Variants in SPAG16 observed in about 807,000 individuals in gnomAD.
The protein encoded by SPAG16 is sperm-associated antigen 16 protein.
A neutral mutation model predicts 80.4 loss-of-function variants in SPAG16; 86 were observed. The ratio of observed to expected loss-of-function variants is 1.07; its 90% confidence interval spans 0.90 to 1.28. SPAG16 has a LOEUF of 1.28. Among genes scored for constraint, SPAG16 ranks in the 50% most tolerant of loss-of-function variants. The probability of loss-of-function intolerance (pLI) is 0.00; values close to 1 mark genes in which losing one functional copy is unlikely to be tolerated. For synonymous variants in SPAG16, 294 were observed against 265.9 expected, an observed-to-expected ratio of 1.11 and a Z score of -1.03; for missense variants, 870 against 765.3, an observed-to-expected ratio of 1.14 and a Z score of -1.61.
chr2:213,396,724 G>T, intron 9 of SPAG16: 1 of 443,436 alleles, frequency 2.3e-6, no homozygotes, highest in Non-Finnish European at 4.5e-6. Flanking sequence ...TTGTCAGCAG[G>T]AGCCAAATGG....
intron 10 of SPAG16, among the ~76,000 whole-genome samples, chr2:213,825,284 G>A (rs1242991210): frequency 6.6e-6 from 1 of 151,918 alleles, no homozygotes; most frequent in East Asian, 1.9e-4. Context: ...GGTGGCAGTG[G>A]GCATCTGTGT....
At chr2:214,087,477 A>G (rs1463257143) in intron 13 of SPAG16, among the ~76,000 whole-genome samples, 5 of 152,156 alleles carry the variant, frequency 3.3e-5, no homozygotes, top group Non-Finnish European at 7.4e-5. Flanking sequence ...AAACTGTGCA[A>G]GTTCTTAAAG....
intron 14 of SPAG16, among the ~76,000 whole-genome samples, chr2:214,144,700 A>G (rs759496874): frequency 2.0e-5 from 3 of 152,150 alleles, no homozygotes; most frequent in Non-Finnish European, 2.9e-5. Flanking sequence ...GGAATCACTG[A>G]AGAAAGGAAA....
At chr2:213,562,590 T>C (rs1359841020) in intron 10 of SPAG16, among the ~76,000 whole-genome samples, 1 of 152,136 alleles carries the variant, frequency 6.6e-6, no homozygotes, top group Non-Finnish European at 1.5e-5. Flanking sequence ...TGAGGGCCAA[T>C]GTCATATTTA....
chr2:214,311,192 C>T (rs139670282), intron 15 of SPAG16, among the ~76,000 whole-genome samples: 1 of 152,090 alleles, frequency 6.6e-6, no homozygotes, highest in Non-Finnish European at 1.5e-5. Flanking sequence ...AGTCTGCATT[C>T]CCCCTCTCTC....
intron 10 of SPAG16, among the ~76,000 whole-genome samples, chr2:213,678,740 C>G (rs952308996): frequency 6.6e-6 from 1 of 152,116 alleles, no homozygotes; most frequent in Non-Finnish European, 1.5e-5. Flanking sequence ...CTAGGGATTG[C>G]TGTTTTCTGC....
intron 11 of SPAG16, among the ~76,000 whole-genome samples, chr2:213,922,314 C>T (rs954684197): frequency 6.6e-6 from 1 of 152,062 alleles, no homozygotes; most frequent in Non-Finnish European, 1.5e-5. Flanking sequence ...TTCTTCTATC[C>T]TGCTGTTTAT....
chr2:214,037,049 G>T (rs574892253), intron 13 of SPAG16, among the ~76,000 whole-genome samples: 2 of 151,660 alleles, frequency 1.3e-5, no homozygotes, highest in East Asian at 1.9e-4. Context: ...TTGTGTTGTC[G>T]TTTAGTTGAT....
intron 10 of SPAG16, among the ~76,000 whole-genome samples, chr2:213,702,184 C>T (rs1284956611): frequency 6.6e-6 from 1 of 152,170 alleles, no homozygotes; most frequent in Non-Finnish European, 1.5e-5. Context: ...AATCAGCTGT[C>T]TGTAAAGTGG....
At chr2:214,331,192 G>A (rs1489336318) in intron 15 of SPAG16, among the ~76,000 whole-genome samples, 1 of 152,090 alleles carries the variant, frequency 6.6e-6, no homozygotes, top group Non-Finnish European at 1.5e-5. Context: ...TGTCAAAATT[G>A]GGCAGAGGGA....
At chr2:214,346,084 G>A (rs1426526507) in intron 15 of SPAG16, among the ~76,000 whole-genome samples, 2 of 152,250 alleles carry the variant, frequency 1.3e-5, no homozygotes, top group Admixed American at 6.5e-5. Context: ...CATAGAGTAC[G>A]TGTGTATTCA....
chr2:213,466,931 G>T (rs112902576), intron 9 of SPAG16, among the ~76,000 whole-genome samples: 1 of 152,120 alleles, frequency 6.6e-6, no homozygotes, highest in Non-Finnish European at 1.5e-5. Flanking sequence ...TGAGAGGCAG[G>T]GTATAGTGGT....
intron 11 of SPAG16, among the ~76,000 whole-genome samples, chr2:213,891,411 A>C (rs868808591): frequency 1.3e-5 from 2 of 152,132 alleles, no homozygotes; most frequent in African/African-American, 2.4e-5. Flanking sequence ...CTAATACCTA[A>C]GTAGGCAGAG....
intron 15 of SPAG16, among the ~76,000 whole-genome samples, chr2:214,268,727 G>T (rs1251883425): frequency 6.6e-6 from 1 of 150,508 alleles, no homozygotes; most frequent in Non-Finnish European, 1.5e-5. Flanking sequence ...ATAACAAGAG[G>T]CAGCAAGCAT....
intron 10 of SPAG16, among the ~76,000 whole-genome samples, chr2:213,660,523 G>A (rs1315188380): frequency 6.6e-6 from 1 of 152,076 alleles, no homozygotes; most frequent in Non-Finnish European, 1.5e-5. Flanking sequence ...AACATGTCTG[G>A]GGGCCAGGAT....
chr2:214,219,556 T>C (rs1479199959), intron 15 of SPAG16, among the ~76,000 whole-genome samples: 1 of 152,100 alleles, frequency 6.6e-6, no homozygotes. Flanking sequence ...CAAATACCAA[T>C]TTTTTAAAAA....
chr2:213,954,776 T>C (rs1339461655), intron 12 of SPAG16, among the ~76,000 whole-genome samples: 1 of 152,198 alleles, frequency 6.6e-6, no homozygotes, highest in African/African-American at 2.4e-5. Context: ...CAGCAGTCTA[T>C]GAGAAATTCC....
At chr2:213,348,609 A>C (rs2065139696) in intron 6 of SPAG16, among the ~76,000 whole-genome samples, 2 of 152,066 alleles carry the variant, frequency 1.3e-5, no homozygotes, top group South Asian at 4.1e-4. Flanking sequence ...CTTGTCTGTA[A>C]AGGATTTTAT....
At chr2:213,335,834 C>T (rs2064329483) in intron 5 of SPAG16, among the ~76,000 whole-genome samples, 1 of 151,640 alleles carries the variant, frequency 6.6e-6, no homozygotes, top group East Asian at 1.9e-4. Context: ...AGTAAAATAA[C>T]AGTAGAGGTC....
Sources: gnomAD v4.1 joint callset for allele counts (sites outside exome capture counted in the v4.1 genomes callset) on GRCh38, gnomAD v4.1.1 for gene constraint, MANE v1.5 for transcripts, NCBI Gene and HGNC (gene_info 2026-07-23, HGNC 2026-07-21) for gene names.